Variants in DOCK2 observed in about 807,000 individuals in gnomAD.
DOCK2 encodes dedicator of cytokinesis protein 2.
Under a neutral mutation model 248.9 loss-of-function variants are expected in DOCK2, and 87 were observed. That is an observed-to-expected ratio of 0.35 (90% CI 0.29 to 0.42). The LOEUF is 0.42. Among genes scored for constraint, DOCK2 ranks in the 10% least tolerant of loss-of-function variants. The pLI is 1.00. For synonymous variants in DOCK2, 805 were observed against 821.6 expected, an observed-to-expected ratio of 0.98 and a Z score of 0.35; for missense variants, 1,747 against 2,300.2, an observed-to-expected ratio of 0.76 and a Z score of 4.92.
chr5:170,040,218 C>T (rs1439504022), intron 36 of DOCK2, among the ~76,000 whole-genome samples: 1 of 152,202 alleles, frequency 6.6e-6, no homozygotes, highest in African/African-American at 2.4e-5. Flanking sequence ...TACAGATGAG[C>T]AAACTAAGGC....
chr5:169,817,465 G>A (rs13153072), intron 26 of DOCK2, among the ~76,000 whole-genome samples: 23,493 of 152,100 alleles, frequency 0.15, 2,176 homozygotes, highest in Admixed American at 0.22. Flanking sequence ...AACTAACTTC[G>A]GACCTTATTT....
At chr5:169,709,889 G>A (rs1405874222) in intron 15 of DOCK2, among the ~76,000 whole-genome samples, 1 of 152,202 alleles carries the variant, frequency 6.6e-6, no homozygotes, top group Non-Finnish European at 1.5e-5. Context: ...AGAATGCAGA[G>A]CACGTCCCAA....
rs116533530 is a variant in DOCK2, at chr5:169,958,987, C to T, written c.2800-24081C>T. ...CCTAGAATCCAAATCAAACAGCTCC[C>T]GTTAGTAAACTACTAACTTATAAAG... On this transcript the variant is annotated intron_variant, in intron 27 of 51. Coordinates refer to ENST00000520908, the MANE Select transcript of DOCK2 (RefSeq NM_004946.3). Among the ~76,000 whole-genome samples, 887 of 152,258 alleles carry T rather than the reference C, an allele frequency of 5.8e-3. 6 individuals are homozygous for T. The highest frequency in any genetic ancestry group is 0.02 in the African/African-American group (812 of 41,532).
chr5:169,760,770 T>C (rs1427317021), intron 24 of DOCK2, among the ~76,000 whole-genome samples: 1 of 152,212 alleles, frequency 6.6e-6, no homozygotes, highest in Non-Finnish European at 1.5e-5. Flanking sequence ...GTAAGTTCCA[T>C]GCCAAATGGG....
chr5:170,078,152 C>A (rs1757901965), intron 48 of DOCK2, among the ~76,000 whole-genome samples: 2 of 152,190 alleles, frequency 1.3e-5, no homozygotes, highest in South Asian at 4.1e-4. Context: ...CTGCATCCTT[C>A]TGGAATATTG....
chr5:169,806,490 G>A (rs1767369577), intron 26 of DOCK2, among the ~76,000 whole-genome samples: 1 of 151,946 alleles, frequency 6.6e-6, no homozygotes, highest in East Asian at 1.9e-4. Context: ...AGGAAGATGG[G>A]GTGGGTCCCC....
intron 26 of DOCK2, among the ~76,000 whole-genome samples, chr5:169,825,155 C>A (rs1012785660): frequency 6.6e-6 from 1 of 152,270 alleles, no homozygotes; most frequent in African/African-American, 2.4e-5. Flanking sequence ...AATAGGAACA[C>A]TTTTACACTG....
chr5:169,931,021 T>A (rs567214237), intron 27 of DOCK2, among the ~76,000 whole-genome samples: 1 of 152,358 alleles, frequency 6.6e-6, no homozygotes, highest in East Asian at 1.9e-4. Context: ...GGGGAGTTTC[T>A]AAGCTAGGAA....
chr5:170,000,087 A>T (rs1278366896), intron 30 of DOCK2: 1 of 152,230 alleles, frequency 6.6e-6, no homozygotes, highest in African/African-American at 2.4e-5. Context: ...GTCAGGGAAG[A>T]CCAAGAGAGG....
chr5:169,657,501 T>C (rs1487023849), intron 2 of DOCK2, among the ~76,000 whole-genome samples: 7 of 152,190 alleles, frequency 4.6e-5, no homozygotes, highest in Non-Finnish European at 1.5e-5. Flanking sequence ...AAGGAAATAG[T>C]GGCTAATATT....
chr5:169,942,230 T>C (rs896504354), intron 27 of DOCK2, among the ~76,000 whole-genome samples: 3 of 152,214 alleles, frequency 2.0e-5, no homozygotes, highest in Non-Finnish European at 2.9e-5. Flanking sequence ...AAAAATCAAC[T>C]GTCAAGGCAA....
intron 41 of DOCK2, 76 bp downstream of exon 41, chr5:170,050,473 C>T (rs1756875524): frequency 2.0e-6 from 3 of 1,517,382 alleles, no homozygotes; most frequent in Admixed American, 2.3e-5. Context: ...CAAAGACCCA[C>T]CTTAGAGCTC....
At chr5:169,678,470 T>A (rs181611851) in intron 6 of DOCK2, among the ~76,000 whole-genome samples, 1 of 152,056 alleles carries the variant, frequency 6.6e-6, no homozygotes, top group Non-Finnish European at 1.5e-5. Context: ...CACCAGTCTC[T>A]ACCAGGCTGG....
chr5:169,716,373 A>ACTCATGGCCCTCATGGCC (rs995982123), intron 20 of DOCK2, 71 bp downstream of exon 20: 6 of 1,501,278 alleles, frequency 4.0e-6, no homozygotes, highest in Non-Finnish European at 5.5e-6. Flanking sequence ...AATACTGAGA[A>ACTCATGGCCCTCATGGCC]CTCATGGCCC....
At chr5:169,651,526 T>A (rs1402643745) in intron 1 of DOCK2, among the ~76,000 whole-genome samples, 1 of 152,308 alleles carries the variant, frequency 6.6e-6, no homozygotes, top group Non-Finnish European at 1.5e-5. Flanking sequence ...TGGACACCCC[T>A]GATTTGCTCG....
At chr5:169,730,586 G>A (rs1019791585) in intron 22 of DOCK2, among the ~76,000 whole-genome samples, 4 of 152,290 alleles carry the variant, frequency 2.6e-5, no homozygotes, top group South Asian at 2.1e-4. Context: ...TGGACCACAC[G>A]TGTGTCGTAA....
At chr5:169,997,576 G>A (rs1374824581) in intron 30 of DOCK2, among the ~76,000 whole-genome samples, 11 of 141,550 alleles carry the variant, frequency 7.8e-5, no homozygotes, top group African/African-American at 3.0e-4. Context: ...GGGTACTTGA[G>A]ATTAGGGAGT....
At chr5:169,737,302 A>G (rs138308513) in intron 22 of DOCK2, among the ~76,000 whole-genome samples, 8 of 152,272 alleles carry the variant, frequency 5.3e-5, no homozygotes, top group African/African-American at 9.6e-5. Context: ...TCAGTGACCA[A>G]GGGATAGAAT....
rs1242044240 is a variant in DOCK2 at position 169,763,792 on chromosome 5, C to T, written c.2554+2167C>T. On this transcript the variant is annotated intron_variant, in intron 25 of 51. Transcript: ENST00000520908. The surrounding 1 kb of genome is among the most constrained non-coding windows in gnomAD (Gnocchi z 4.1). ...AATACATACAGAGACTAGAGGTAGA[C>T]AAAGTATCCTTTGGGGACCCCTTTC... Among the ~76,000 whole-genome samples the T allele has an allele frequency of 2.0e-5, 3 of 152,210 alleles. No individual in the cohort carries two copies. Among genetic ancestry groups the T allele is most frequent in the Non-Finnish European group, 4.4e-5 (3 of 68,042 alleles).
Sources: allele counts gnomAD v4.1 joint callset (sites outside exome capture counted in the v4.1 genomes callset), GRCh38; gene constraint gnomAD v4.1.1; non-coding constraint Gnocchi (gnomAD v3.1); transcripts MANE v1.5; gene names NCBI Gene and HGNC (gene_info 2026-07-23, HGNC 2026-07-21).